Variants in USP42 observed in about 807,000 individuals in gnomAD.
The protein encoded by USP42 is ubiquitin carboxyl-terminal hydrolase 42.
In USP42, 23 loss-of-function variants were observed where a neutral mutation model predicts 113.0. That is an observed-to-expected ratio of 0.20 (90% CI 0.15 to 0.29). The LOEUF is 0.29. Among genes scored for constraint, USP42 ranks in the 10% least tolerant of loss-of-function variants. The pLI, the probability that USP42 is intolerant of heterozygous loss-of-function variation, is 1.00. For synonymous variants in USP42, 933 were observed against 699.0 expected (o/e 1.33, Z -5.28); for missense variants, 2,174 against 1,779.8 (o/e 1.22, Z -3.99).
At position 6,139,284 on chromosome 7, in the gene USP42, G is replaced by A; in HGVS notation, c.656+90G>A. The A allele has an allele frequency of 5.7e-6, 6 of 1,048,928 alleles. No individual in the cohort carries two copies. The highest frequency in any genetic ancestry group is 8.2e-6 in the Non-Finnish European group (6 of 733,302). 65.0% of individuals were successfully genotyped at this position (1,048,928 alleles called of 1,614,324 possible). ...AGAATTCATTTTCACCTTTTTTGTT[G>A]GAAGCACACAGAACAGTGTTCACTT... On this transcript the variant is annotated intron_variant, in intron 5 of 17. Transcript: ENST00000306177. This position sits in a 1 kb window ranked among gnomAD's most constrained non-coding sequence, Gnocchi z 4.5.
chr7:6,142,222 T>C (rs2128506506), intron 7 of USP42, among the ~76,000 whole-genome samples: 1 of 102,400 alleles, frequency 9.8e-6, no homozygotes, highest in Admixed American at 9.0e-5. Flanking sequence ...TTCTTTTTTC[T>C]TTTTTTTTTT....
At position 6,105,069 on chromosome 7, in the gene USP42, G is replaced by C. The variant is rs542347605; in HGVS notation, c.-10+37G>C. 5 of 148,162 alleles carry C rather than the reference G, an allele frequency of 3.4e-5. No homozygotes were observed. In the East Asian group the frequency reaches 9.9e-4, roughly 29 times the overall value. 9.2% of individuals were successfully genotyped at this position (148,162 alleles called of 1,614,324 possible). ...CCTCCTTCCCGCCCGCCGCAGGCCG[G>C]CATGGGGCCCGCGCAGCGGCCCGCT... is the stretch of plus-strand genomic sequence containing the variant. On this transcript the variant is annotated intron_variant, in intron 1 of 17. Transcript: ENST00000306177.
intron 13 of USP42, 47 bp from the exon 14 acceptor site, chr7:6,150,365 G>A (rs1165804849): frequency 1.9e-6 from 3 of 1,611,096 alleles, no homozygotes; most frequent in Non-Finnish European, 1.7e-6. Context: ...ATTTCAGGAG[G>A]CATGGAGCTG....
intron 2 of USP42, among the ~76,000 whole-genome samples, chr7:6,114,668 ATATATATATATTTTTTTTT>A (rs1779794726): frequency 5.2e-5 from 2 of 38,610 alleles, no homozygotes; most frequent in Non-Finnish European, 9.2e-5. Context: ...ATATATATAT[ATATATATATATTTTTTTTT>A]TTTTTTTTTT....
chr7:6,118,604 T>C (rs536157204), intron 3 of USP42, among the ~76,000 whole-genome samples: 2 of 152,262 alleles, frequency 1.3e-5, no homozygotes, highest in East Asian at 3.9e-4. Flanking sequence ...CTTCTAGAAG[T>C]CTTAAAGTTT....
chr7:6,109,983 G>A (rs1779507596), intron 1 of USP42, among the ~76,000 whole-genome samples: 1 of 151,918 alleles, frequency 6.6e-6, no homozygotes, highest in Admixed American at 6.6e-5. Context: ...TTACAGGTGT[G>A]CACCACCATG....
chr7:6,103,037 G>A (rs530690748), upstream of USP42, among the ~76,000 whole-genome samples: 4 of 151,206 alleles, frequency 2.6e-5, no homozygotes, highest in South Asian at 8.3e-4. Flanking sequence ...GAGGGAAAGA[G>A]GCAGTGAGAG....
chr7:6,086,754 T>G, the USP42 span, among the ~76,000 whole-genome samples: 1 of 149,608 alleles, frequency 6.7e-6, no homozygotes, highest in Non-Finnish European at 1.5e-5. Context: ...GAGATGGAGT[T>G]TCGCTCTTGT....
chr7:6,097,795 T>A, the USP42 span, among the ~76,000 whole-genome samples: 1 of 150,428 alleles, frequency 6.6e-6, no homozygotes, highest in African/African-American at 2.5e-5. Flanking sequence ...TTTTACCATG[T>A]TAGCAAGGAT....
chr7:6,142,922 C>T lies in USP42; in HGVS notation c.796-10C>T, dbSNP rs370645914. ...CGGTGATGTGGTGTTTGTGCCTCTT[C>T]TCTTCCCAGGCTGCTCAGAGTGTCA... On this transcript the variant is annotated splice_polypyrimidine_tract_variant and intron_variant, in intron 7 of 17. Transcript: ENST00000306177. 6.2e-7 allele frequency: 1 copy of T among 1,613,790 alleles called. No homozygotes were observed. The highest frequency in any genetic ancestry group is 8.5e-7 in the Non-Finnish European group (1 of 1,179,782).
intron 3 of USP42, among the ~76,000 whole-genome samples, chr7:6,116,123 G>GAAAA: frequency 1.6e-5 from 2 of 124,360 alleles, no homozygotes; most frequent in Admixed American, 7.8e-5. Context: ...AAAAAAAAAC[G>GAAAA]TCTGATGCCA....
rs1017158415 is a variant in USP42 at position 6,116,627 on chromosome 7, AT to A, written c.442+1113del. 6.2e-4 allele frequency: 232 copies of A among 371,666 alleles called. 7 individuals are homozygous for A. In the Middle Eastern group the frequency reaches 0.039, roughly 63 times the overall value. The allele number at this position is 371,666 out of a possible 1,614,324, so 23.0% of individuals were successfully genotyped here. A position where few individuals can be genotyped will look rare whatever the true frequency, so the allele number is the denominator to read the frequency against. Reference sequence around the variant, plus strand: ...ATTTAAATTGGTTCTTTTAAAACTGATTTTTTTTTCCCTCCAAAGAGCCAAG... The same window carrying A: ...ATTTAAATTGGTTCTTTTAAAACTGATTTTTTTTCCCTCCAAAGAGCCAAG... On this transcript the variant is annotated intron_variant, in intron 3 of 17. Coordinates refer to ENST00000306177, the MANE Select transcript of USP42 (RefSeq NM_032172.3).
At chr7:6,081,707 G>A in the USP42 span, 1 of 152,278 alleles carries the variant, frequency 6.6e-6, no homozygotes, top group African/African-American at 2.4e-5. Context: ...TCGGGTGAGA[G>A]GGTGATCGCG....
Position 6,154,892 on chromosome 7 carries a change from G to A in USP42, c.3338G>A (p.Arg1113His), listed in dbSNP as rs1366931232. Residue 1113 changes from arginine to histidine, a missense_variant, in exon 15 of 18, where the codon CGC becomes CAC. Coordinates refer to ENST00000306177, the MANE Select transcript of USP42 (RefSeq NM_032172.3). ...CEPARERERH[R>H]PSSPRAGAPH... Reference sequence around the variant, plus strand: ...CCGGCCCGGGAGAGGGAGCGGCACCGCCCCAGCAGCCCCCGCGCAGGCGCG... The same window carrying A: ...CCGGCCCGGGAGAGGGAGCGGCACCACCCCAGCAGCCCCCGCGCAGGCGCG... 4 of 1,539,012 alleles carry A rather than the reference G, an allele frequency of 2.6e-6. No individual in the cohort carries two copies. The highest frequency in any genetic ancestry group is 3.5e-6 in the Non-Finnish European group (4 of 1,141,092).
intron 14 of USP42, among the ~76,000 whole-genome samples, chr7:6,150,792 A>C (rs1781998849): frequency 6.6e-6 from 1 of 152,182 alleles, no homozygotes; most frequent in Middle Eastern, 3.2e-3. Context: ...GCACGCCTTC[A>C]AGTGCCATCT....
Position 6,154,556 on chromosome 7 carries a change from G to C in USP42, c.3002G>C (p.Gly1001Ala). Residue 1001 changes from glycine to alanine, a missense_variant, in exon 15 of 18, where the codon GGC (glycine) becomes GCC (alanine). Physicochemically the swap from Gly to Ala is moderately conservative, Grantham distance 60 (BLOSUM62 0). Transcript: ENST00000306177. ...QDRHAPEHHPGHGDRLSPGER... is the reference protein window; with the variant it reads ...QDRHAPEHHPAHGDRLSPGER... ...CGCCACGCCCCGGAGCACCACCCCGGCCACGGCGACAGGCTCAGCCCTGGC... is the reference window on the plus strand; with the variant it reads ...CGCCACGCCCCGGAGCACCACCCCGCCCACGGCGACAGGCTCAGCCCTGGC... 1 of 1,549,642 alleles carries C rather than the reference G, an allele frequency of 6.5e-7. No homozygotes were observed. The highest frequency in any genetic ancestry group is 1.2e-5 in the South Asian group (1 of 84,104).
In USP42 at chr7:6,139,348, T is replaced by A; in HGVS notation, c.656+154T>A. 1 of 541,034 alleles carries A rather than the reference T, an allele frequency of 1.8e-6. No individual in the cohort carries two copies. The allele number at this position is 541,034 out of a possible 1,614,324, so 33.5% of individuals were successfully genotyped here. On this transcript the variant is annotated intron_variant, in intron 5 of 17. Coordinates refer to ENST00000306177, the MANE Select transcript of USP42 (RefSeq NM_032172.3). The surrounding 1 kb of genome is among the most constrained non-coding windows in gnomAD (Gnocchi z 4.5). ...TGCTCTGCCTCTTCCTTAGGTGATG[T>A]GCATTATTTTAAAATGGTTGAAATT...
chr7:6,084,398 G>A, the USP42 span: 1 of 151,268 alleles, frequency 6.6e-6, no homozygotes, highest in Non-Finnish European at 1.5e-5. Context: ...ATTTTGTCTT[G>A]CTAACGCTGA....
In USP42 at chr7:6,139,008, AT is replaced by A. The variant is rs1781307465; in HGVS notation, c.554-82del. ...TATTTGGGAGTTTTCCAACCAACAT[AT>A]TATTATAAGATATATTTTGGGGGGT... On this transcript the variant is annotated intron_variant, in intron 4 of 17. Transcript: ENST00000306177. The surrounding 1 kb of genome is among the most constrained non-coding windows in gnomAD (Gnocchi z 4.5). The A allele has an allele frequency of 6.0e-6, 5 of 838,660 alleles. No individual in the cohort carries two copies. The highest frequency in any genetic ancestry group is 2.0e-5 in the South Asian group (1 of 51,204). 52.0% of individuals were successfully genotyped at this position (838,660 alleles called of 1,614,324 possible).
Sources: allele counts gnomAD v4.1 joint callset (sites outside exome capture counted in the v4.1 genomes callset), GRCh38; gene constraint gnomAD v4.1.1; non-coding constraint Gnocchi (gnomAD v3.1); transcripts MANE v1.5; gene names NCBI Gene and HGNC (gene_info 2026-07-23, HGNC 2026-07-21).